ADGRD1: variants seen among roughly 807,000 people sequenced by gnomAD.
ADGRD1 encodes adhesion G protein-coupled receptor D1.
Under a neutral mutation model 113.4 loss-of-function variants are expected in ADGRD1, and 77 were observed. The ratio of observed to expected loss-of-function variants is 0.68; its 90% CI spans 0.57 to 0.82. The LOEUF (loss-of-function observed/expected upper bound fraction) is 0.82, where lower values mean the gene tolerates loss of function less well. Ranked by LOEUF, ADGRD1 falls within the 40% of genes least tolerant of loss-of-function variation. The probability of loss-of-function intolerance (pLI) is 0.00; values close to 1 mark genes in which losing one functional copy is unlikely to be tolerated. For synonymous variants in ADGRD1, 474 were observed against 475.0 expected, an observed-to-expected ratio of 1.00 and a Z score of 0.03; for missense variants, 1,036 against 1,139.1, an observed-to-expected ratio of 0.91 and a Z score of 1.30.
chr12:130,958,018 GGTGCCCTC>G (rs1432031478), intron 2 of ADGRD1: 1 of 152,070 alleles, frequency 6.6e-6, no homozygotes, highest in Non-Finnish European at 1.5e-5. Context: ...TGAATATTTA[GGTGCCCTC>G]CATGAACAAC....
intron 12 of ADGRD1, 37 bp from the exon 13 acceptor site, chr12:131,014,162 G>A (rs377045475): frequency 6.2e-6 from 10 of 1,603,128 alleles, no homozygotes; most frequent in Admixed American, 1.7e-5. Context: ...GCTCCCCTGC[G>A]TTTCCCATTT....
At chr12:130,983,505 G>A (rs1336284374) in intron 5 of ADGRD1, among the ~76,000 whole-genome samples, 1 of 152,158 alleles carries the variant, frequency 6.6e-6, no homozygotes, top group African/African-American at 2.4e-5. Context: ...GTGGAACGTG[G>A]TTTCAGGCAT....
chr12:131,032,672 G>A (rs563997468), intron 13 of ADGRD1, among the ~76,000 whole-genome samples: 27 of 151,842 alleles, frequency 1.8e-4, no homozygotes, highest in African/African-American at 4.9e-4. Context: ...TCACCACCCC[G>A]TCACAGAGAT....
chr12:131,132,743 A>G (rs1049356777), intron 21 of ADGRD1, among the ~76,000 whole-genome samples: 1 of 152,124 alleles, frequency 6.6e-6, no homozygotes, highest in Non-Finnish European at 1.5e-5. Flanking sequence ...ATTCACTCAT[A>G]TGACCGTGTG....
chr12:131,003,342 G>T lies in ADGRD1; in HGVS notation c.1144+40G>T, dbSNP rs368192987. 14 of 1,364,192 alleles carry T rather than the reference G, an allele frequency of 1.0e-5. No individual in the cohort carries two copies. The highest frequency in any genetic ancestry group is 1.0e-6 in the Non-Finnish European group (1 of 956,434). The allele number at this position is 1,364,192 out of a possible 1,614,324, so 84.5% of individuals were successfully genotyped here. On this transcript the variant is annotated intron_variant, in intron 10 of 24. Transcript: ENST00000261654. This position sits in a 1 kb window ranked among gnomAD's most constrained non-coding sequence, Gnocchi z 4.8. ...TAAGGGTGAGCCACATGGCAGGGGC[G>T]GGGGCTGGAGGCTGCGTTTCACTGC...
chr12:131,117,152 C>T (rs1313178293), intron 18 of ADGRD1, among the ~76,000 whole-genome samples: 4 of 152,200 alleles, frequency 2.6e-5, no homozygotes, highest in Admixed American at 1.3e-4. Context: ...AGAGTGTTTT[C>T]GTTGCAGAAT....
intron 3 of ADGRD1, chr12:130,969,215 CAA>C: frequency 1.6e-6 from 1 of 618,714 alleles, no homozygotes; most frequent in African/African-American, 1.8e-5. Context: ...ACAGCAGATC[CAA>C]GGTGTTAAAA....
chr12:131,046,319 T>C (rs1882753048), intron 13 of ADGRD1, among the ~76,000 whole-genome samples: 2 of 140,778 alleles, frequency 1.4e-5, no homozygotes, highest in South Asian at 4.8e-4. Flanking sequence ...CCCTGGTCAG[T>C]GTCCTCCCTG....
chr12:131,134,591 A>G (rs538066546), intron 21 of ADGRD1, among the ~76,000 whole-genome samples: 219 of 152,376 alleles, frequency 1.4e-3, no homozygotes, highest in Middle Eastern at 6.8e-3. Context: ...TTGCATTAGC[A>G]TTATGAGAAC....
At chr12:130,996,743 G>C (rs1875466707) in intron 8 of ADGRD1, among the ~76,000 whole-genome samples, 1 of 97,336 alleles carries the variant, frequency 1.0e-5, no homozygotes, top group Admixed American at 9.0e-5. Flanking sequence ...GGGGTGGCTG[G>C]CCGGGCAGAG....
chr12:131,099,916 A>T (rs751915730), intron 15 of ADGRD1, among the ~76,000 whole-genome samples: 5 of 152,144 alleles, frequency 3.3e-5, no homozygotes, highest in Non-Finnish European at 5.9e-5. Context: ...ATAAAAGTAC[A>T]TGATAAAGAG....
Position 131,105,788 on chromosome 12 carries a change from A to G in ADGRD1, c.1810A>G (p.Ile604Val). ...CACCATCCGGAACCAGCGCTACCAC[A>G]TCCACGCCAACCTGTCCTTCGCCGT... is the stretch of plus-strand genomic sequence containing the variant. ...VSTIRNQRYH[I>V]HANLSFAVLV... The change falls in exon 17 of 25, where the codon ATC becomes GTC. Residue 604 changes from isoleucine (I) to valine (V), a missense_variant. Transcript: ENST00000261654. The G allele has an allele frequency of 6.2e-7, 1 of 1,601,390 alleles. No individual in the cohort carries two copies. The highest frequency in any genetic ancestry group is 8.5e-7 in the Non-Finnish European group (1 of 1,179,926).
intron 18 of ADGRD1, among the ~76,000 whole-genome samples, chr12:131,109,434 G>GT (rs1950302180): frequency 6.6e-6 from 1 of 152,012 alleles, no homozygotes; most frequent in South Asian, 2.1e-4. Flanking sequence ...CATCCTGTAT[G>GT]TTTTGTGTCT....
chr12:131,120,646 A>G (rs916649740), intron 19 of ADGRD1: 2 of 646,464 alleles, frequency 3.1e-6, no homozygotes, highest in Non-Finnish European at 5.6e-6. Context: ...CTGGTCTTCA[A>G]ACCTGGAAAA....
chr12:130,986,913 C>G, intron 5 of ADGRD1, 182 bp from the exon 6 acceptor site: 1 of 590,518 alleles, frequency 1.7e-6, no homozygotes, highest in South Asian at 2.2e-5. Context: ...AGATAACATC[C>G]TTCCTGTGCT....
intron 13 of ADGRD1, among the ~76,000 whole-genome samples, chr12:131,032,971 A>G (rs1880957067): frequency 6.9e-6 from 1 of 145,384 alleles, no homozygotes; most frequent in Non-Finnish European, 1.5e-5. Context: ...AGAAATCGCC[A>G]CCCCGTCACA....
intron 13 of ADGRD1, among the ~76,000 whole-genome samples, chr12:131,037,946 C>G (rs1881704906): frequency 1.3e-5 from 2 of 150,812 alleles, no homozygotes; most frequent in South Asian, 2.1e-4. Context: ...TGCATGGGGC[C>G]TCACTCACTG....
At chr12:131,123,245 A>G (rs919662624) in intron 20 of ADGRD1, among the ~76,000 whole-genome samples, 1 of 151,074 alleles carries the variant, frequency 6.6e-6, no homozygotes, top group Non-Finnish European at 1.5e-5. Context: ...GGGTTTCACC[A>G]TGTTGGCCAG....
intron 15 of ADGRD1, among the ~76,000 whole-genome samples, chr12:131,102,031 G>A (rs190222927): frequency 1.0e-3 from 155 of 152,244 alleles, no homozygotes; most frequent in African/African-American, 3.5e-3. Context: ...CTGAACAGGG[G>A]GGTTTATTTT....
Sources: allele counts gnomAD v4.1 joint callset (sites outside exome capture counted in the v4.1 genomes callset), GRCh38; gene constraint gnomAD v4.1.1; non-coding constraint Gnocchi (gnomAD v3.1); transcripts MANE v1.5; gene names NCBI Gene and HGNC (gene_info 2026-07-23, HGNC 2026-07-21).